The following SPDYE5 variants were observed in gnomAD, a reference collection of about 807,000 sequenced individuals.
SPDYE5 encodes the protein speedy/RINGO cell cycle regulator family member E5.
A neutral mutation model predicts 48.5 loss-of-function variants in SPDYE5; 15 were observed. That is an observed-to-expected ratio of 0.31 (90% CI 0.21 to 0.48). The LOEUF is 0.48. Among genes scored for constraint, SPDYE5 ranks in the 20% least tolerant of loss-of-function variants. The pLI, the probability that SPDYE5 is intolerant of heterozygous loss-of-function variation, is 0.99. For synonymous variants in SPDYE5, 116 were observed against 200.7 expected, an observed-to-expected ratio of 0.58 and a Z score of 3.57; for missense variants, 331 against 549.1, an observed-to-expected ratio of 0.60 and a Z score of 3.97.
At chr7:75,491,703 T>C (rs1398358861), upstream of SPDYE5, among the ~76,000 whole-genome samples, 1 of 15,884 alleles carries the variant, frequency 6.3e-5, no homozygotes, top group African/African-American at 9.5e-5. Context: ...TGTTTAGCCA[T>C]TTTTTTTTTT....
intron 7 of SPDYE5, 57 bp from the exon 8 acceptor site, chr7:75,501,821 G>C (rs1793171433): frequency 6.2e-7 from 1 of 1,612,196 alleles, no homozygotes; most frequent in Non-Finnish European, 8.5e-7. Context: ...CTGGATGAGG[G>C]GAGAGAGGGG....
rs55728996 is a variant in SPDYE5 at position 75,493,083 on chromosome 7, T to G, written c.-421-544T>G. 4.4e-3 allele frequency among the ~76,000 whole-genome samples: 673 copies of G among 152,314 alleles called. 5 individuals carry two copies. Among genetic ancestry groups the G allele is most frequent in the African/African-American group, 0.015 (615 of 41,568 alleles). ...ACCCAAAGTGCTGGGATTACAAGCA[T>G]GAGCCACTGTGCACAGCTGAAATTT... is the stretch of plus-strand genomic sequence containing the variant. On this transcript the variant is annotated intron_variant, in intron 1 of 8. Coordinates refer to ENST00000625065, the MANE Select transcript of SPDYE5 (RefSeq NM_001306141.4).
intron 8 of SPDYE5, 79 bp downstream of exon 8, chr7:75,502,061 G>A (rs1212940084): frequency 5.4e-6 from 8 of 1,474,208 alleles, no homozygotes; most frequent in Middle Eastern, 2.4e-4. Flanking sequence ...TGCTTGATCC[G>A]GCTTCAAGCC....
At chr7:75,496,401 CAACAAAAAAAAA>C (rs1236695837) in intron 3 of SPDYE5, among the ~76,000 whole-genome samples, 1 of 44,548 alleles carries the variant, frequency 2.2e-5, no homozygotes, top group Non-Finnish European at 4.3e-5. Flanking sequence ...ACAACAACAA[CAACAAAAAAAAA>C]AAAAAAAAAA....
chr7:75,502,206 G>A (rs1240468256), intron 8 of SPDYE5, among the ~76,000 whole-genome samples: 1 of 149,354 alleles, frequency 6.7e-6, no homozygotes, highest in Non-Finnish European at 1.5e-5. Context: ...GGGGCTGCAC[G>A]GAGCCCTGAT....
chr7:75,501,060 G>A (rs143831193), intron 6 of SPDYE5, among the ~76,000 whole-genome samples: 2,677 of 152,254 alleles, frequency 0.018, 38 homozygotes, highest in South Asian at 0.045. Flanking sequence ...GCCCAGGCCC[G>A]TCTCAAACTC....
intron 1 of SPDYE5, among the ~76,000 whole-genome samples, chr7:75,493,022 G>C (rs77650789): frequency 2.6e-5 from 4 of 151,394 alleles, no homozygotes; most frequent in African/African-American, 7.3e-5. Flanking sequence ...TACTGGTCTT[G>C]AACTGCTGGC....
At chr7:75,502,161 G>A (rs1339269906) in intron 8 of SPDYE5, among the ~76,000 whole-genome samples, 179 bp downstream of exon 8, 2 of 151,894 alleles carry the variant, frequency 1.3e-5, no homozygotes, top group Non-Finnish European at 2.9e-5. Context: ...TACTCAGGAG[G>A]CTGAGGCGGG....
intron 7 of SPDYE5, 42 bp downstream of exon 7, chr7:75,501,797 G>T (rs200969398): frequency 3.7e-6 from 6 of 1,612,288 alleles, no homozygotes; most frequent in Admixed American, 1.7e-5. Flanking sequence ...GGGAGGAATC[G>T]GGTGGGCTGG....
At chr7:75,496,378 CTG>C in intron 3 of SPDYE5, among the ~76,000 whole-genome samples, 1 of 130,898 alleles carries the variant, frequency 7.6e-6, no homozygotes, top group Non-Finnish European at 1.6e-5. Flanking sequence ...CAAAGCAAGA[CTG>C]TTTCTCAACA....
chr7:75,502,931 C>A lies in SPDYE5; in HGVS notation c.*144C>A, dbSNP rs1379512439. 1 of 945,722 alleles carries A rather than the reference C, an allele frequency of 1.1e-6. No individual in the cohort carries two copies. The highest frequency in any genetic ancestry group is 1.5e-6 in the Non-Finnish European group (1 of 670,528). 58.6% of individuals were successfully genotyped at this position (945,722 alleles called of 1,614,324 possible). A position where few individuals can be genotyped will look rare whatever the true frequency, so the allele number is the denominator to read the frequency against. On this transcript the variant is annotated 3_prime_UTR_variant, in exon 9 of 9. Transcript: ENST00000625065. ...GAGGAGAGGAACCATTTGTGCAGAT[C>A]ATCTAGAAGAACCTGGACCATTCTT... is the stretch of plus-strand genomic sequence containing the variant.
Position 75,501,930 on chromosome 7 carries a change from T to C in SPDYE5, c.1202T>C (p.Leu401Pro), listed in dbSNP as rs1554483652. Reference protein sequence around the residue: ...HWVWARDRAHLS With the variant: ...HWVWARDRAHPS ...GTGTGGGCGCGAGATCGCGCTCACC[T>C]TTCCTAGAGCTCCAGGGACCGTGGA... The change falls in exon 8 of 9, where the codon CTT becomes CCT. Residue 401 changes from leucine (L) to proline (P), a missense_variant. Coordinates refer to ENST00000625065, the MANE Select transcript of SPDYE5 (RefSeq NM_001306141.4). 1 of 1,608,642 alleles carries C rather than the reference T, an allele frequency of 6.2e-7. No individual in the cohort carries two copies. The highest frequency in any genetic ancestry group is 8.5e-7 in the Non-Finnish European group (1 of 1,178,476).
At chr7:75,498,340 T>A (rs1793015675) in intron 5 of SPDYE5, among the ~76,000 whole-genome samples, 1 of 151,900 alleles carries the variant, frequency 6.6e-6, no homozygotes, top group Admixed American at 6.6e-5. Context: ...GCCAGGTTGG[T>A]CCTGAACACC....
intron 2 of SPDYE5, 114 bp downstream of exon 2, chr7:75,494,321 G>A (rs868995240): frequency 2.1e-4 from 302 of 1,420,362 alleles, no homozygotes; most frequent in Non-Finnish European, 2.4e-4. Flanking sequence ...CGAGGCGGGC[G>A]GATCACCTGA....
chr7:75,495,976 G>A (rs1554482461), intron 3 of SPDYE5, among the ~76,000 whole-genome samples: 2 of 148,618 alleles, frequency 1.3e-5, no homozygotes, highest in Non-Finnish European at 3.0e-5. Context: ...GTTGCTTTGA[G>A]CCAAGATAGC....
chr7:75,496,459 G>T (rs1393727068), intron 3 of SPDYE5, among the ~76,000 whole-genome samples: 1 of 135,428 alleles, frequency 7.4e-6, no homozygotes, highest in Non-Finnish European at 1.6e-5. Flanking sequence ...GGAAGGATAT[G>T]AGGAAGTGTT....
intron 3 of SPDYE5, 107 bp downstream of exon 3, chr7:75,495,481 G>A: frequency 6.5e-7 from 1 of 1,548,190 alleles, no homozygotes; most frequent in Non-Finnish European, 8.7e-7. Flanking sequence ...CCGTGGGTGA[G>A]CTCTCCACGC....
rs782656494 is a variant in SPDYE5 at position 75,503,198 on chromosome 7, A to C, written c.*411A>C. On this transcript the variant is annotated 3_prime_UTR_variant, in exon 9 of 9. Transcript: ENST00000625065. The stretch of plus-strand genomic sequence containing the variant: ...CAGTCCAGAAGCATTTGAAGGCACA[A>C]TGCAGGGGCTCAGATTGGCACAGAT... The C allele has an allele frequency of 1.9e-5, 7 of 365,184 alleles. No homozygotes were observed. Among genetic ancestry groups the C allele is most frequent in the Non-Finnish European group, 3.7e-5 (7 of 188,988 alleles). The allele number at this position is 365,184 out of a possible 1,614,324, so 22.6% of individuals were successfully genotyped here.
intron 3 of SPDYE5, among the ~76,000 whole-genome samples, chr7:75,495,635 T>C (rs587629783): frequency 1.4e-3 from 209 of 152,292 alleles, no homozygotes; most frequent in African/African-American, 4.4e-3. Flanking sequence ...TCCTAGCACG[T>C]TGGGAGGCTG....
Sources: gnomAD v4.1 joint callset for allele counts (sites outside exome capture counted in the v4.1 genomes callset) on GRCh38, gnomAD v4.1.1 for gene constraint, MANE v1.5 for transcripts, NCBI Gene and HGNC (gene_info 2026-07-23, HGNC 2026-07-21) for gene names.